Variants in JAK1 observed in about 807,000 individuals in gnomAD.
JAK1 encodes the protein Janus kinase 1, also known as tyrosine-protein kinase JAK1.
JAK1 carries 16 observed loss-of-function variants against 136.6 expected under a neutral mutation model. That is an observed-to-expected ratio of 0.12 (90% CI 0.08 to 0.18). JAK1 has a LOEUF of 0.18. JAK1 is among the 10% of genes least tolerant of loss of function. The pLI, the probability that JAK1 is intolerant of heterozygous loss-of-function variation, is 1.00. For synonymous variants in JAK1, 492 were observed against 519.5 expected, an observed-to-expected ratio of 0.95 and a Z score of 0.72; for missense variants, 859 against 1,450.1, an observed-to-expected ratio of 0.59 and a Z score of 6.62.
At chr1:65,026,109 G>A (rs1240190795) in intron 2 of JAK1, among the ~76,000 whole-genome samples, 1 of 152,132 alleles carries the variant, frequency 6.6e-6, no homozygotes, top group Non-Finnish European at 1.5e-5. Context: ...GAAATCCTGG[G>A]TCATAACTTT....
intron 2 of JAK1, among the ~76,000 whole-genome samples, chr1:64,884,632 A>G (rs1644825635): frequency 1.3e-5 from 2 of 152,014 alleles, no homozygotes; most frequent in South Asian, 4.1e-4. Flanking sequence ...ACCCAATGCT[A>G]CTTCTCACCC....
intron 1 of JAK1, among the ~76,000 whole-genome samples, chr1:64,926,582 C>T (rs1243348822): frequency 6.6e-6 from 1 of 152,132 alleles, no homozygotes; most frequent in Non-Finnish European, 1.5e-5. Flanking sequence ...CCACCACCAC[C>T]ACTAGATATA....
At chr1:64,969,201 GT>G (rs112904048), upstream of JAK1, among the ~76,000 whole-genome samples, 50 of 145,884 alleles carry the variant, frequency 3.4e-4, no homozygotes, top group East Asian at 1.2e-3. Flanking sequence ...AAAATAGTGG[GT>G]TTTTTTTTTT....
At chr1:64,936,878 T>C (rs983252800) in intron 1 of JAK1, among the ~76,000 whole-genome samples, 3 of 152,088 alleles carry the variant, frequency 2.0e-5, no homozygotes, top group Non-Finnish European at 4.4e-5. Context: ...TTGTACCATA[T>C]GAAACTGCCA....
At chr1:65,050,764 C>G (rs186001007) in intron 1 of JAK1, among the ~76,000 whole-genome samples, 186 of 152,284 alleles carry the variant, frequency 1.2e-3, no homozygotes, top group African/African-American at 4.3e-3. Context: ...CTGGGTCTAA[C>G]TCTGTTTCGA....
chr1:64,940,144 A>G (rs766147318), intron 1 of JAK1, among the ~76,000 whole-genome samples: 2 of 152,170 alleles, frequency 1.3e-5, no homozygotes, highest in Non-Finnish European at 2.9e-5. Flanking sequence ...AAAACCGGTA[A>G]GTTGACAGAA....
At chr1:64,843,955 A>C (rs1655065300) in intron 17 of JAK1, 109 bp downstream of exon 17, 2 of 1,279,354 alleles carry the variant, frequency 1.6e-6, no homozygotes, top group African/African-American at 1.5e-5. Context: ...AAGAGATTCA[A>C]ACCCATGCCC....
At chr1:65,003,497 T>TA (rs371102288) in intron 2 of JAK1, 3 of 152,284 alleles carry the variant, frequency 2.0e-5, no homozygotes, top group African/African-American at 7.2e-5. Flanking sequence ...ATCATAGTGT[T>TA]TATTAACAAT....
Position 64,839,686 on chromosome 1 carries a change from G to A in JAK1, c.2759C>T (p.Ala920Val). ...LKPESGGNHIADLKKEIEILR... is the reference protein window; with the variant it reads ...LKPESGGNHIVDLKKEIEILR... ...GATCTCGATTTCCTTTTTCAGATCA[G>A]CTATGTGGTTACCTCCACTCTCAGG... Residue 920 changes from alanine to valine, a missense_variant, in exon 20 of 25, where the codon GCT becomes GTT. Transcript: ENST00000342505. The A allele has an allele frequency of 6.2e-7, 1 of 1,614,168 alleles. No homozygotes were observed. Among genetic ancestry groups the A allele is most frequent in the Non-Finnish European group, 8.5e-7 (1 of 1,179,992 alleles).
intron 10 of JAK1, among the ~76,000 whole-genome samples, chr1:64,857,222 T>C (rs1368460864): frequency 6.6e-6 from 1 of 152,192 alleles, no homozygotes; most frequent in Non-Finnish European, 1.5e-5. Context: ...TGTTAGGCCA[T>C]GTGGATGAAG....
intron 17 of JAK1, among the ~76,000 whole-genome samples, chr1:64,843,756 A>C (rs1242991658): frequency 6.6e-6 from 1 of 152,168 alleles, no homozygotes. Context: ...CAGGCACTTA[A>C]AATCTCAGAT....
chr1:65,023,910 A>G (rs1415863563), intron 2 of JAK1, among the ~76,000 whole-genome samples: 1 of 130,042 alleles, frequency 7.7e-6, no homozygotes. Flanking sequence ...TTCTAGATTC[A>G]TCCTTTTTTT....
intron 5 of JAK1, 130 bp downstream of exon 5, chr1:64,873,240 C>G (rs1036727789): frequency 5.8e-6 from 6 of 1,041,252 alleles, no homozygotes; most frequent in Non-Finnish European, 5.7e-6. Context: ...CCAGGTGTGG[C>G]AAGAACTTAC....
chr1:64,894,259 C>T (rs971093863), intron 1 of JAK1, among the ~76,000 whole-genome samples: 3 of 152,134 alleles, frequency 2.0e-5, no homozygotes, highest in Non-Finnish European at 4.4e-5. Flanking sequence ...AAAGTCCTGA[C>T]GAGGAGGAAT....
chr1:64,966,152 A>G (rs1646373191), intron 1 of JAK1, among the ~76,000 whole-genome samples, 181 bp downstream of exon 1: 1 of 151,678 alleles, frequency 6.6e-6, no homozygotes, highest in Non-Finnish European at 1.5e-5. Flanking sequence ...GCGGGGCTGG[A>G]AATCCCCGCC....
At chr1:64,966,635 G>T (rs1220254540), upstream of JAK1, 3 of 134,338 alleles carry the variant, frequency 2.2e-5, no homozygotes, top group East Asian at 7.8e-4. Flanking sequence ...CGTCACCAGC[G>T]GCAGCCCCGG....
chr1:64,955,501 A>C (rs926548722), intron 1 of JAK1, among the ~76,000 whole-genome samples: 1 of 152,234 alleles, frequency 6.6e-6, no homozygotes, highest in Non-Finnish European at 1.5e-5. Context: ...AATAATGAAT[A>C]ATCTATTTTG....
At chr1:64,920,772 A>T (rs1440293454) in intron 1 of JAK1, among the ~76,000 whole-genome samples, 1 of 152,138 alleles carries the variant, frequency 6.6e-6, no homozygotes, top group African/African-American at 2.4e-5. Flanking sequence ...CAGGCAGAAT[A>T]AATGACCATG....
chr1:64,891,240 A>C (rs1644931346), intron 1 of JAK1, among the ~76,000 whole-genome samples: 2 of 152,202 alleles, frequency 1.3e-5, no homozygotes, highest in African/African-American at 2.4e-5. Context: ...GTTTTACGCT[A>C]ATCAGCGAGA....
Sources: allele counts gnomAD v4.1 joint callset (sites outside exome capture counted in the v4.1 genomes callset), GRCh38; gene constraint gnomAD v4.1.1; transcripts MANE v1.5; gene names NCBI Gene and HGNC (gene_info 2026-07-23, HGNC 2026-07-21).